The following TCF7L2 variants were observed in gnomAD, a reference collection of about 807,000 sequenced individuals.
The protein encoded by TCF7L2 is transcription factor 7 like 2.
Under a neutral mutation model 77.9 loss-of-function variants are expected in TCF7L2, and 23 were observed. That is an observed-to-expected ratio of 0.30 (90% confidence interval 0.21 to 0.42). The LOEUF is 0.42. Ranked by LOEUF, TCF7L2 falls within the 10% of genes least tolerant of loss-of-function variation. The pLI is 1.00. For synonymous variants in TCF7L2, 413 were observed against 340.2 expected (o/e 1.21, Z -2.36); for missense variants, 654 against 793.1 (o/e 0.82, Z 2.11).
intron 5 of TCF7L2, among the ~76,000 whole-genome samples, chr10:113,103,127 A>C (rs918912105): frequency 3.9e-5 from 6 of 152,138 alleles, no homozygotes; most frequent in Admixed American, 2.0e-4. Flanking sequence ...CACTGAAAGT[A>C]ATTGTTAGGA....
chr10:113,116,307 A>T (rs1332036969), intron 5 of TCF7L2, among the ~76,000 whole-genome samples: 1 of 152,188 alleles, frequency 6.6e-6, no homozygotes, highest in Non-Finnish European at 1.5e-5. Context: ...GTGTTATTGC[A>T]TACAATTCCT....
chr10:113,011,060 G>A (rs891815309), intron 4 of TCF7L2, among the ~76,000 whole-genome samples: 5 of 152,166 alleles, frequency 3.3e-5, no homozygotes, highest in South Asian at 2.1e-4. Flanking sequence ...GCATCTGGGC[G>A]TATCTGCCTG....
chr10:113,131,066 G>A (rs1292962909), intron 5 of TCF7L2, among the ~76,000 whole-genome samples: 1 of 152,092 alleles, frequency 6.6e-6, no homozygotes, highest in Non-Finnish European at 1.5e-5. Context: ...GTGCCCGGCC[G>A]GAGTGATTAT....
At chr10:112,968,793 A>G (rs1439985756) in intron 4 of TCF7L2, among the ~76,000 whole-genome samples, 2 of 151,884 alleles carry the variant, frequency 1.3e-5, no homozygotes, top group Non-Finnish European at 2.9e-5. Context: ...GTTAGCCAGG[A>G]TGGTCTCAAT....
chr10:112,964,812 T>TGGTGGTGGTGATGGTGGTGGTGGTGGG (rs1564719427), intron 4 of TCF7L2, among the ~76,000 whole-genome samples, 188 bp downstream of exon 4: 1 of 38,282 alleles, frequency 2.6e-5, no homozygotes, highest in African/African-American at 9.9e-5. Context: ...GTGGTGGTGG[T>TGGTGGTGGTGATGGTGGTGGTGGTGGG]GGGGGGGGGT....
intron 11 of TCF7L2, among the ~76,000 whole-genome samples, chr10:113,156,177 C>T (rs1031865376): frequency 4.7e-5 from 7 of 150,174 alleles, no homozygotes; most frequent in East Asian, 2.0e-4. Context: ...TGCAGTAGCA[C>T]GATCTCAGCT....
chr10:113,153,313 T>G (rs763786650), intron 11 of TCF7L2, among the ~76,000 whole-genome samples: 4 of 152,242 alleles, frequency 2.6e-5, no homozygotes, highest in Non-Finnish European at 5.9e-5. Context: ...AAATGCCTCT[T>G]GTTTTGCCTG....
chr10:113,054,658 T>C (rs2055040692), intron 5 of TCF7L2, among the ~76,000 whole-genome samples: 1 of 152,192 alleles, frequency 6.6e-6, no homozygotes, highest in Admixed American at 6.5e-5. Flanking sequence ...CAATTACTAA[T>C]CTTTTCACCC....
chr10:113,014,528 C>T (rs1184975256), intron 4 of TCF7L2, among the ~76,000 whole-genome samples: 3 of 152,082 alleles, frequency 2.0e-5, no homozygotes, highest in Non-Finnish European at 4.4e-5. Flanking sequence ...CGTGGTGGCG[C>T]ATGCCTGTAA....
At chr10:113,043,217 C>T (rs1466979997) in intron 5 of TCF7L2, among the ~76,000 whole-genome samples, 1 of 152,208 alleles carries the variant, frequency 6.6e-6, no homozygotes, top group Non-Finnish European at 1.5e-5. Context: ...AGAATAACTT[C>T]TTCCAGTACC....
chr10:113,152,463 G>A (rs1564971353), intron 11 of TCF7L2, 23 bp downstream of exon 11: 2 of 1,586,556 alleles, frequency 1.3e-6, no homozygotes, highest in Non-Finnish European at 1.7e-6. Context: ...TTTTCGTTAG[G>A]ATTGGAGTCT....
intron 5 of TCF7L2, among the ~76,000 whole-genome samples, chr10:113,046,573 T>G (rs527555349): frequency 2.0e-5 from 3 of 152,320 alleles, no homozygotes; most frequent in Non-Finnish European, 2.9e-5. Context: ...AGGTAGCTAT[T>G]GTATTCCCCG....
chr10:113,098,629 C>T (rs897031322), intron 5 of TCF7L2, among the ~76,000 whole-genome samples: 6 of 152,206 alleles, frequency 3.9e-5, no homozygotes, highest in African/African-American at 1.4e-4. Flanking sequence ...TCGCTTGAAC[C>T]TGGGAGGCAG....
At chr10:112,990,433 C>G (rs1001850760) in intron 4 of TCF7L2, among the ~76,000 whole-genome samples, 1 of 152,116 alleles carries the variant, frequency 6.6e-6, no homozygotes, top group African/African-American at 2.4e-5. Context: ...GTTGGCCAGG[C>G]GCATGACTCA....
chr10:113,102,321 T>A (rs80279410), intron 5 of TCF7L2, among the ~76,000 whole-genome samples: 4,763 of 152,110 alleles, frequency 0.031, 270 homozygotes, highest in African/African-American at 0.11. Context: ...GGACATTATT[T>A]TGCCTATCTT....
At chr10:113,044,995 G>T (rs1564821109) in intron 5 of TCF7L2, among the ~76,000 whole-genome samples, 1 of 152,132 alleles carries the variant, frequency 6.6e-6, no homozygotes, top group Non-Finnish European at 1.5e-5. Context: ...AGCGGAACTT[G>T]CTGACAGGTT....
chr10:113,093,477 TTTTG>T, intron 5 of TCF7L2, among the ~76,000 whole-genome samples: 1 of 152,288 alleles, frequency 6.6e-6, no homozygotes, highest in Non-Finnish European at 1.5e-5. Flanking sequence ...TGGGAGGAAA[TTTTG>T]TTTCAGGATA....
intron 5 of TCF7L2, among the ~76,000 whole-genome samples, chr10:113,045,289 G>A (rs983323525): frequency 6.6e-6 from 1 of 152,174 alleles, no homozygotes; most frequent in African/African-American, 2.4e-5. Flanking sequence ...CAGAGGCTGT[G>A]TTACCCCTGT....
chr10:113,156,636 C>G (rs1278854265), intron 11 of TCF7L2, among the ~76,000 whole-genome samples: 5 of 152,180 alleles, frequency 3.3e-5, no homozygotes, highest in Non-Finnish European at 5.9e-5. Flanking sequence ...CTCCTGAATT[C>G]CCCCCAGTCC....
Sources: allele counts gnomAD v4.1 joint callset (sites outside exome capture counted in the v4.1 genomes callset), GRCh38; gene constraint gnomAD v4.1.1; transcripts MANE v1.5; gene names NCBI Gene and HGNC (gene_info 2026-07-23, HGNC 2026-07-21).